The following FAF1 variants were observed in gnomAD, a reference collection of about 807,000 sequenced individuals.
The protein encoded by FAF1 is FAS-associated factor 1.
A neutral mutation model predicts 92.5 loss-of-function variants in FAF1; 25 were observed. The ratio of observed to expected loss-of-function variants is 0.27; its 90% CI spans 0.20 to 0.38. FAF1 has a LOEUF of 0.38. FAF1 is among the 10% of genes least tolerant of loss of function. The probability of loss-of-function intolerance (pLI) is 1.00; values close to 1 mark genes in which losing one functional copy is unlikely to be tolerated. For missense variants in FAF1, 636 were observed against 793.3 expected, an observed-to-expected ratio of 0.80 and a Z score of 2.38; for synonymous variants, 234 against 273.2, an observed-to-expected ratio of 0.86 and a Z score of 1.42.
At chr1:50,929,375 T>C (rs1044353133) in intron 1 of FAF1, among the ~76,000 whole-genome samples, 1 of 152,142 alleles carries the variant, frequency 6.6e-6, no homozygotes, top group Non-Finnish European at 1.5e-5. Context: ...TTTTAAAAAA[T>C]GATACTTGAG....
chr1:50,645,485 A>G (rs1267237635), intron 8 of FAF1, among the ~76,000 whole-genome samples: 11 of 152,216 alleles, frequency 7.2e-5, no homozygotes, highest in Admixed American at 7.2e-4. Context: ...TTGCAACTAT[A>G]TATCCCTGCT....
chr1:50,845,790 C>A (rs542919443), intron 2 of FAF1, among the ~76,000 whole-genome samples: 1 of 152,088 alleles, frequency 6.6e-6, no homozygotes, highest in African/African-American at 2.4e-5. Flanking sequence ...TCAAACGAAA[C>A]CTAACTCAAA....
intron 1 of FAF1, among the ~76,000 whole-genome samples, chr1:50,945,269 G>A (rs544796559): frequency 1.3e-5 from 2 of 152,264 alleles, no homozygotes; most frequent in South Asian, 4.2e-4. Flanking sequence ...AGAGCCAGCT[G>A]ATTGGACTAG....
At chr1:50,575,780 A>C (rs1650702773) in intron 12 of FAF1, among the ~76,000 whole-genome samples, 2 of 152,198 alleles carry the variant, frequency 1.3e-5, no homozygotes, top group South Asian at 2.1e-4. Flanking sequence ...AGCACAAAGA[A>C]GTTTGTTTGC....
chr1:50,638,195 A>G (rs1411777433), intron 8 of FAF1, among the ~76,000 whole-genome samples: 2 of 152,072 alleles, frequency 1.3e-5, no homozygotes, highest in Non-Finnish European at 2.9e-5. Context: ...CACATCTATT[A>G]GCTTTTTGGT....
intron 4 of FAF1, among the ~76,000 whole-genome samples, chr1:50,779,652 A>G (rs549192847): frequency 1.3e-5 from 2 of 152,026 alleles, no homozygotes; most frequent in East Asian, 1.9e-4. Flanking sequence ...TGTGACACCA[A>G]TAACAAAAAA....
At chr1:50,581,914 T>C (rs528856004) in intron 12 of FAF1, among the ~76,000 whole-genome samples, 3 of 152,326 alleles carry the variant, frequency 2.0e-5, no homozygotes, top group Non-Finnish European at 4.4e-5. Context: ...ATGTCTTGAC[T>C]GCTGTGACAA....
chr1:50,803,792 T>G (rs1229336444), intron 2 of FAF1, among the ~76,000 whole-genome samples: 4 of 152,146 alleles, frequency 2.6e-5, no homozygotes, highest in Non-Finnish European at 5.9e-5. Context: ...ATTAAATAGT[T>G]AATTTATCTT....
chr1:50,504,239 A>C (rs1647026621), intron 15 of FAF1, among the ~76,000 whole-genome samples: 1 of 152,182 alleles, frequency 6.6e-6, no homozygotes, highest in African/African-American at 2.4e-5. Context: ...TGGAAGATAC[A>C]GTCAAGAGTA....
intron 7 of FAF1, among the ~76,000 whole-genome samples, chr1:50,657,202 A>G (rs1655154267): frequency 6.6e-6 from 1 of 151,664 alleles, no homozygotes; most frequent in Admixed American, 6.6e-5. Context: ...ACAGAGTGAG[A>G]CCCTGTCTCA....
At chr1:50,758,967 C>T (rs900007862) in intron 4 of FAF1, among the ~76,000 whole-genome samples, 28 of 152,002 alleles carry the variant, frequency 1.8e-4, no homozygotes, top group African/African-American at 6.0e-4. Flanking sequence ...CTCAGCCTTC[C>T]GAGTAGCTGG....
chr1:50,832,082 G>A (rs1400363120), intron 2 of FAF1, among the ~76,000 whole-genome samples: 1 of 151,758 alleles, frequency 6.6e-6, no homozygotes, highest in East Asian at 1.9e-4. Flanking sequence ...ATAAGTTCAG[G>A]GTTCCCACTG....
intron 1 of FAF1, among the ~76,000 whole-genome samples, chr1:50,921,216 C>T (rs1258978455): frequency 6.6e-6 from 1 of 152,216 alleles, no homozygotes; most frequent in African/African-American, 2.4e-5. Context: ...CATCACAGGG[C>T]CTAGGGACCG....
intron 1 of FAF1, among the ~76,000 whole-genome samples, chr1:50,882,486 C>A (rs916675284): frequency 1.3e-5 from 2 of 151,884 alleles, no homozygotes; most frequent in African/African-American, 4.8e-5. Context: ...CCTGTAATCC[C>A]AGCTACTCAG....
At chr1:50,883,237 A>C (rs951493833) in intron 1 of FAF1, among the ~76,000 whole-genome samples, 3 of 152,172 alleles carry the variant, frequency 2.0e-5, no homozygotes, top group African/African-American at 7.2e-5. Context: ...AAAGAAAAAT[A>C]AATAAAAATG....
intron 7 of FAF1, among the ~76,000 whole-genome samples, chr1:50,691,490 C>T (rs1345884974): frequency 2.0e-5 from 3 of 152,198 alleles, no homozygotes; most frequent in Non-Finnish European, 4.4e-5. Context: ...AATCCGCTGG[C>T]CTTGGCCTCC....
In FAF1 at chr1:50,466,041, T is replaced by TA. The variant is rs143013445; in HGVS notation, c.1869+9422dup. ...AGAGAAGTGACGTGATTTGCCTTAT[T>TA]AAAAAAAAATCGCTGTCTTTTTTGA... On this transcript the variant is annotated intron_variant, in intron 18 of 18. Coordinates refer to ENST00000396153, the MANE Select transcript of FAF1 (RefSeq NM_007051.3). 5.3e-5 allele frequency among the ~76,000 whole-genome samples: 8 copies of TA among 151,558 alleles called. No individual in the cohort carries two copies. The East Asian group carries it at 7.7e-4, about 15-fold the overall frequency.
intron 6 of FAF1, among the ~76,000 whole-genome samples, chr1:50,732,069 A>ATTAT (rs931290351): frequency 2.4e-4 from 36 of 151,232 alleles, no homozygotes; most frequent in African/African-American, 3.2e-4. Context: ...CATTATTATT[A>ATTAT]TTATTTATTT....
intron 6 of FAF1, among the ~76,000 whole-genome samples, chr1:50,719,675 A>G (rs2124451203): frequency 6.6e-6 from 1 of 152,300 alleles, no homozygotes; most frequent in Admixed American, 6.5e-5. Context: ...CACAATTCTA[A>G]CCATCTAGAC....
Sources: gnomAD v4.1 joint callset for allele counts (sites outside exome capture counted in the v4.1 genomes callset) on GRCh38, gnomAD v4.1.1 for gene constraint, MANE v1.5 for transcripts, NCBI Gene and HGNC (gene_info 2026-07-23, HGNC 2026-07-21) for gene names.